The following AUTS2 variants were observed in gnomAD, a reference collection of about 807,000 sequenced individuals.
AUTS2 encodes the protein autism susceptibility gene 2 protein.
Under a neutral mutation model 112.4 loss-of-function variants are expected in AUTS2, and 17 were observed. The ratio of observed to expected loss-of-function variants is 0.15; its 90% CI spans 0.10 to 0.23. The LOEUF (loss-of-function observed/expected upper bound fraction) is 0.23, where lower values mean the gene tolerates loss of function less well. AUTS2 is among the 10% of genes least tolerant of loss of function. The probability of loss-of-function intolerance (pLI) is 1.00; values close to 1 mark genes in which losing one functional copy is unlikely to be tolerated. For missense variants in AUTS2, 1,510 were observed against 1,701.6 expected (o/e 0.89, Z 1.98); for synonymous variants, 751 against 702.7 (o/e 1.07, Z -1.09).
At chr7:70,147,467 AT>A (rs1807190966) in intron 4 of AUTS2, among the ~76,000 whole-genome samples, 1 of 152,038 alleles carries the variant, frequency 6.6e-6, no homozygotes, top group Non-Finnish European at 1.5e-5. Context: ...GAGAATGTTT[AT>A]TTTGCATTGT....
intron 5 of AUTS2, among the ~76,000 whole-genome samples, chr7:70,447,010 G>A (rs1796345726): frequency 6.6e-6 from 1 of 152,174 alleles, no homozygotes; most frequent in African/African-American, 2.4e-5. Context: ...AGCCCCCAGG[G>A]TGGATTAGGC....
At chr7:70,203,847 TTTAAG>T (rs1243110719) in intron 4 of AUTS2, among the ~76,000 whole-genome samples, 5 of 151,740 alleles carry the variant, frequency 3.3e-5, no homozygotes, top group Non-Finnish European at 4.4e-5. Context: ...CAAGGAAATA[TTTAAG>T]TTATTTCTGA....
chr7:70,256,611 G>A (rs1353827255), intron 4 of AUTS2, among the ~76,000 whole-genome samples: 3 of 152,142 alleles, frequency 2.0e-5, no homozygotes, highest in African/African-American at 4.8e-5. Context: ...ATCTGCTTGC[G>A]TTCAGAAAAC....
chr7:69,626,123 A>G (rs1793932507), intron 1 of AUTS2, among the ~76,000 whole-genome samples: 1 of 152,088 alleles, frequency 6.6e-6, no homozygotes, highest in Non-Finnish European at 1.5e-5. Flanking sequence ...ATTGCAGGGA[A>G]CCTTGTAGCT....
chr7:69,703,891 G>A (rs1246620933), intron 1 of AUTS2, among the ~76,000 whole-genome samples: 1 of 152,230 alleles, frequency 6.6e-6, no homozygotes, highest in African/African-American at 2.4e-5. Flanking sequence ...AAGCAGGGCA[G>A]TGTTTCTAGA....
At chr7:70,232,596 C>G (rs966401672) in intron 4 of AUTS2, among the ~76,000 whole-genome samples, 2 of 152,062 alleles carry the variant, frequency 1.3e-5, no homozygotes, top group African/African-American at 2.4e-5. Flanking sequence ...TAGAGGTGGT[C>G]TTGAACTCCT....
chr7:70,506,630 G>C (rs569398872), intron 5 of AUTS2, among the ~76,000 whole-genome samples: 6 of 152,150 alleles, frequency 3.9e-5, no homozygotes, highest in African/African-American at 1.4e-4. Context: ...CGTGCTCCGC[G>C]CCCAGCGTAA....
intron 2 of AUTS2, among the ~76,000 whole-genome samples, chr7:69,981,253 A>G (rs1027276676): frequency 4.6e-5 from 7 of 152,226 alleles, no homozygotes; most frequent in African/African-American, 1.7e-4. Context: ...TGAAATGTTC[A>G]GTAAGTTTTA....
chr7:70,052,015 T>C (rs1318865764), intron 2 of AUTS2, among the ~76,000 whole-genome samples: 1 of 152,190 alleles, frequency 6.6e-6, no homozygotes. Context: ...AATTTGAAAC[T>C]AGTGTCCTGT....
At chr7:69,725,382 A>G (rs1288096431) in intron 1 of AUTS2, among the ~76,000 whole-genome samples, 1 of 152,180 alleles carries the variant, frequency 6.6e-6, no homozygotes, top group African/African-American at 2.4e-5. Flanking sequence ...TGCCTACCAC[A>G]TAGTCTATAT....
In AUTS2 at chr7:70,080,962, T is replaced by C. The variant is rs1214129298; in HGVS notation, c.523-37170T>C. Among the ~76,000 whole-genome samples, 3 of 152,136 alleles carry C rather than the reference T, an allele frequency of 2.0e-5. No homozygotes were observed. In the East Asian group the frequency reaches 5.8e-4, roughly 29 times the overall value. On this transcript the variant is annotated intron_variant, in intron 2 of 18. Transcript: ENST00000342771. ...CAGCAAGGCTTTGGAACCCAACACA[T>C]TGAAAGATAATTGAGTGAAGAGGAT...
chr7:70,610,719 T>C (rs535418912), intron 5 of AUTS2, among the ~76,000 whole-genome samples: 1 of 152,316 alleles, frequency 6.6e-6, no homozygotes, highest in Admixed American at 6.5e-5. Context: ...TAGTTTTAAT[T>C]TGAATTTCCC....
At chr7:70,739,868 G>C (rs913229878) in intron 6 of AUTS2, among the ~76,000 whole-genome samples, 1 of 148,634 alleles carries the variant, frequency 6.7e-6, no homozygotes, top group Non-Finnish European at 1.5e-5. Context: ...CCATGTAGTT[G>C]TTCCCCTTGG....
intron 6 of AUTS2, among the ~76,000 whole-genome samples, chr7:70,741,193 G>C (rs896074725): frequency 6.6e-6 from 1 of 151,916 alleles, no homozygotes; most frequent in Non-Finnish European, 1.5e-5. Context: ...ATTTTATCAG[G>C]AATTTCCCTA....
At chr7:70,770,541 A>C (rs1466923939) in intron 10 of AUTS2, among the ~76,000 whole-genome samples, 1 of 152,236 alleles carries the variant, frequency 6.6e-6, no homozygotes, top group Non-Finnish European at 1.5e-5. Flanking sequence ...CAAAAAGATT[A>C]AATTTTTAGA....
chr7:70,699,609 C>CATA (rs1183886608), intron 6 of AUTS2: 1 of 152,176 alleles, frequency 6.6e-6, no homozygotes. Context: ...TTAAATAGTA[C>CATA]ATTATGTTTA....
At chr7:69,618,163 G>T (rs1309713911) in intron 1 of AUTS2, among the ~76,000 whole-genome samples, 1 of 152,180 alleles carries the variant, frequency 6.6e-6, no homozygotes, top group African/African-American at 2.4e-5. Context: ...TTGCTTCAGG[G>T]CCTGCACTGA....
At chr7:70,541,113 G>A (rs1800536378) in intron 5 of AUTS2, among the ~76,000 whole-genome samples, 1 of 152,142 alleles carries the variant, frequency 6.6e-6, no homozygotes, top group Non-Finnish European at 1.5e-5. Context: ...GCATTTGAAA[G>A]CAGGTACTTA....
intron 2 of AUTS2, among the ~76,000 whole-genome samples, chr7:70,108,897 C>T (rs1804921946): frequency 6.6e-6 from 1 of 151,588 alleles, no homozygotes; most frequent in South Asian, 2.1e-4. Flanking sequence ...GGATTGTGAG[C>T]CACCATGCCC....
Sources: gnomAD v4.1 joint callset for allele counts (sites outside exome capture counted in the v4.1 genomes callset) on GRCh38, gnomAD v4.1.1 for gene constraint, MANE v1.5 for transcripts, NCBI Gene and HGNC (gene_info 2026-07-23, HGNC 2026-07-21) for gene names.